The following FAT3 variants were observed in gnomAD, a reference collection of about 807,000 sequenced individuals.
FAT3 encodes FAT atypical cadherin 3, also known as protocadherin Fat 3.
FAT3 carries 95 observed loss-of-function variants against 310.2 expected under a neutral mutation model. That is an observed-to-expected ratio of 0.31 (90% CI 0.26 to 0.36). The LOEUF (loss-of-function observed/expected upper bound fraction) is 0.36, where lower values mean the gene tolerates loss of function less well. FAT3 is among the 10% of genes least tolerant of loss of function. FAT3 has a pLI of 1.00. For synonymous variants in FAT3, 2,314 were observed against 2,192.9 expected (o/e 1.06, Z -1.54); for missense variants, 5,408 against 5,715.6 (o/e 0.95, Z 1.74).
intron 1 of FAT3, among the ~76,000 whole-genome samples, chr11:92,269,306 A>AAGT (rs1271984512): frequency 6.6e-6 from 1 of 152,160 alleles, no homozygotes; most frequent in Non-Finnish European, 1.5e-5. Flanking sequence ...CTGACCACTC[A>AAGT]GAAGTGCCCT....
In FAT3 at chr11:92,764,933, A is replaced by G; in HGVS notation, c.4039A>G (p.Ile1347Val). Residue 1347 changes from isoleucine (I) to valine (V), a missense_variant, in exon 6 of 28, where the codon ATT becomes GTT. Physicochemically the swap from Ile to Val is conservative, Grantham distance 29 (BLOSUM62 3). Transcript: ENST00000525166. ...PQKSSTARLH[I>V]EWIKKPPPSP... ...GAAATCCTCCACGGCCCGCCTCCAC[A>G]TTGAATGGATTAAGAAACCACCCCC... 6.2e-7 allele frequency: 1 copy of G among 1,613,844 alleles called. No individual in the cohort carries two copies. Among genetic ancestry groups the G allele is most frequent in the Non-Finnish European group, 8.5e-7 (1 of 1,179,832 alleles).
At chr11:92,520,844 C>T (rs1014005177) in intron 2 of FAT3, among the ~76,000 whole-genome samples, 1 of 152,244 alleles carries the variant, frequency 6.6e-6, no homozygotes, top group South Asian at 2.1e-4. Context: ...CTCATTCACA[C>T]TTCTAGTTAC....
intron 13 of FAT3, among the ~76,000 whole-genome samples, chr11:92,813,695 A>AT (rs1165343180): frequency 2.0e-5 from 3 of 149,010 alleles, no homozygotes; most frequent in Non-Finnish European, 4.4e-5. Flanking sequence ...GATTGGTCTT[A>AT]TTTTTTCACT....
At chr11:92,851,211 CA>C (rs1948822230) in intron 19 of FAT3, among the ~76,000 whole-genome samples, 1 of 152,054 alleles carries the variant, frequency 6.6e-6, no homozygotes, top group African/African-American at 2.4e-5. Context: ...TGAATCTGAT[CA>C]AAAAAGGACA....
intron 4 of FAT3, among the ~76,000 whole-genome samples, chr11:92,732,603 C>G (rs1945215548): frequency 6.6e-6 from 1 of 152,122 alleles, no homozygotes; most frequent in East Asian, 1.9e-4. Context: ...CATGAGAATC[C>G]TGGTTTCTCC....
intron 2 of FAT3, among the ~76,000 whole-genome samples, chr11:92,520,289 T>C (rs1203346507): frequency 6.6e-6 from 1 of 152,098 alleles, no homozygotes; most frequent in Non-Finnish European, 1.5e-5. Context: ...AAATACAAAG[T>C]TATTTATAAT....
At chr11:92,802,698 TGTC>T (rs1398400850) in intron 10 of FAT3, among the ~76,000 whole-genome samples, 2 of 152,174 alleles carry the variant, frequency 1.3e-5, no homozygotes, top group Non-Finnish European at 2.9e-5. Context: ...AATATTTTGA[TGTC>T]GTCACATTCA....
At chr11:92,315,479 G>GTATATATATATA (rs1168085335) in intron 1 of FAT3, among the ~76,000 whole-genome samples, 24 of 65,186 alleles carry the variant, frequency 3.7e-4, no homozygotes, top group Admixed American at 9.7e-4. Flanking sequence ...GTGTGTGTGT[G>GTATATATATATA]TATATATATA....
rs566184176 is a variant in FAT3 at position 92,317,230 on chromosome 11, T to C, written c.-17-34866T>C. Among the ~76,000 whole-genome samples, 308 of 152,360 alleles carry C rather than the reference T, an allele frequency of 2.0e-3. 1 individual carries two copies. Among genetic ancestry groups the C allele is most frequent in the Non-Finnish European group, 2.2e-3 (147 of 68,036 alleles). On this transcript the variant is annotated intron_variant, in intron 1 of 27. Transcript: ENST00000525166. ...CAAACATGTGGACAGGGAGATTCCA[T>C]GTAAACTCTTTCTCTCTTTTAATCA...
chr11:92,488,448 C>CCG (rs1304378355), intron 2 of FAT3, among the ~76,000 whole-genome samples: 5 of 46,944 alleles, frequency 1.1e-4, no homozygotes, highest in African/African-American at 4.1e-4. Context: ...ATAACTAGCA[C>CCG]CGCCCCCCCC....
chr11:92,390,430 C>T (rs545920374), intron 2 of FAT3, among the ~76,000 whole-genome samples: 89 of 152,240 alleles, frequency 5.8e-4, no homozygotes, highest in African/African-American at 2.0e-3. Flanking sequence ...AACCTATTCT[C>T]CTTCACTTTT....
chr11:92,835,319 C>A (rs1312744983), intron 15 of FAT3, among the ~76,000 whole-genome samples: 1 of 152,038 alleles, frequency 6.6e-6, no homozygotes, highest in East Asian at 1.9e-4. Flanking sequence ...CACTTATTTC[C>A]CAGGAGCATA....
rs777741915 is a variant in FAT3, at chr11:92,792,752, G to A, written c.4612-15G>A. ...TAAAATTTGAGTCCCACCACTTCTT[G>A]TATTTTGCCTAAAGGTCAGAGATCA... On this transcript the variant is annotated splice_polypyrimidine_tract_variant and intron_variant, in intron 8 of 27. Transcript: ENST00000525166. 1.9e-6 allele frequency: 3 copies of A among 1,612,330 alleles called. No homozygotes were observed. Among genetic ancestry groups the A allele is most frequent in the South Asian group, 1.1e-5 (1 of 90,884 alleles).
chr11:92,530,175 G>A (rs1954018924), intron 3 of FAT3, among the ~76,000 whole-genome samples: 1 of 152,178 alleles, frequency 6.6e-6, no homozygotes, highest in Non-Finnish European at 1.5e-5. Flanking sequence ...GGATAAGAGA[G>A]GGGGTAACAG....
intron 1 of FAT3, among the ~76,000 whole-genome samples, chr11:92,329,088 T>C (rs972061751): frequency 1.5e-5 from 2 of 136,546 alleles, no homozygotes; most frequent in Non-Finnish European, 3.0e-5. Context: ...TGTGTAATCA[T>C]CCAGACTTTT....
intron 3 of FAT3, among the ~76,000 whole-genome samples, chr11:92,572,508 C>T (rs1591470055): frequency 6.6e-6 from 1 of 152,200 alleles, no homozygotes; most frequent in African/African-American, 2.4e-5. Flanking sequence ...TTAATATCTG[C>T]CCATGCTTAA....
intron 7 of FAT3, among the ~76,000 whole-genome samples, chr11:92,777,131 T>C (rs1281760011): frequency 2.6e-5 from 4 of 152,236 alleles, no homozygotes; most frequent in Non-Finnish European, 4.4e-5. Context: ...ACAGATAACC[T>C]TCACCATATA....
chr11:92,798,359 C>G lies in FAT3; in HGVS notation c.5346C>G (p.Ala1782=). The part of the protein sequence containing the change: ...SQYSGSLSEA[A]PINSIVRSLD... Reference sequence around the variant, plus strand: ...ACTCAGGCAGCCTAAGTGAGGCTGCCCCAATTAATAGCATTGTCAGGAGCT... The same window carrying G: ...ACTCAGGCAGCCTAAGTGAGGCTGCGCCAATTAATAGCATTGTCAGGAGCT... The change falls in exon 10 of 28, where the codon GCC becomes GCG. Residue 1782 remains alanine (A), a synonymous_variant. Coordinates refer to ENST00000525166, the MANE Select transcript of FAT3 (RefSeq NM_001367949.2). 2 of 1,613,470 alleles carry G rather than the reference C, an allele frequency of 1.2e-6. No individual in the cohort carries two copies. The highest frequency in any genetic ancestry group is 1.7e-6 in the Non-Finnish European group (2 of 1,179,748).
intron 1 of FAT3, among the ~76,000 whole-genome samples, chr11:92,238,119 G>A (rs1489480614): frequency 6.6e-6 from 1 of 152,112 alleles, no homozygotes; most frequent in African/African-American, 2.4e-5. Context: ...ATAACATCAA[G>A]AGTAGCAGCC....
Sources: gnomAD v4.1 joint callset for allele counts (sites outside exome capture counted in the v4.1 genomes callset) on GRCh38, gnomAD v4.1.1 for gene constraint, MANE v1.5 for transcripts, NCBI Gene and HGNC (gene_info 2026-07-23, HGNC 2026-07-21) for gene names.